The following EML6 variants were observed in gnomAD, a reference collection of about 807,000 sequenced individuals.
The protein encoded by EML6 is echinoderm microtubule-associated protein-like 6.
EML6 carries 154 observed loss-of-function variants against 240.1 expected under a neutral mutation model. The ratio of observed to expected loss-of-function variants is 0.64; its 90% CI spans 0.56 to 0.73. The LOEUF is 0.73. EML6 is among the 30% of genes least tolerant of loss of function. The pLI is 0.00. For missense variants in EML6, 2,964 were observed against 2,474.6 expected (o/e 1.20, Z -4.20); for synonymous variants, 1,148 against 899.0 (o/e 1.28, Z -4.95).
chr2:54,916,812 G>C lies in EML6; in HGVS notation c.3552G>C (p.Glu1184Asp), dbSNP rs1449623893. The C allele has an allele frequency of 2.6e-6, 4 of 1,546,484 alleles. No homozygotes were observed. Among genetic ancestry groups the C allele is most frequent in the Non-Finnish European group, 3.5e-6 (4 of 1,142,966 alleles). ...CCTGTGTCCTGGGGCCCACCTGTGA[G>C]GGAATCTGGCCAGCACATAGCGATA... ...TWTCVLGPTC[E>D]GIWPAHSDIT... The change falls in exon 26 of 42, where the codon GAG (glutamate) becomes GAC (aspartate). Residue 1184 changes from glutamate (E) to aspartate (D), a missense_variant. Physicochemically the swap from Glu to Asp is conservative, Grantham distance 45 (BLOSUM62 2). Coordinates refer to ENST00000356458, the MANE Select transcript of EML6 (RefSeq NM_001039753.4).
intron 17 of EML6, 132 bp from the exon 18 acceptor site, chr2:54,890,922 T>G: frequency 2.2e-6 from 1 of 461,748 alleles, no homozygotes; most frequent in Non-Finnish European, 3.9e-6. Context: ...GATGCCCGTG[T>G]GGATTTTAAA....
intron 28 of EML6, among the ~76,000 whole-genome samples, chr2:54,942,141 C>T (rs1675462695): frequency 1.3e-5 from 2 of 152,170 alleles, no homozygotes; most frequent in South Asian, 4.1e-4. Flanking sequence ...TAATTTTAGG[C>T]ATTAAACCTG....
intron 38 of EML6, among the ~76,000 whole-genome samples, chr2:54,965,346 C>T (rs1404978588): frequency 6.6e-6 from 1 of 152,244 alleles, no homozygotes; most frequent in African/African-American, 2.4e-5. Flanking sequence ...CAACTATTTG[C>T]TGAACCGGGC....
rs182133601 is a variant in EML6 at position 54,903,292 on chromosome 2, C to T, written c.3278-79C>T. 2.6e-6 allele frequency: 4 copies of T among 1,523,428 alleles called. No homozygotes were observed. The African/African-American group carries it at 4.2e-5, about 16-fold the overall frequency. 94.4% of individuals were successfully genotyped at this position (1,523,428 alleles called of 1,614,324 possible). ...TCAAATGTTTCTTTGACCATTTTCCCACTTTTAAAATACTAAGTTCCTGGA... is the reference window on the plus strand; with the variant it reads ...TCAAATGTTTCTTTGACCATTTTCCTACTTTTAAAATACTAAGTTCCTGGA... On this transcript the variant is annotated intron_variant, in intron 23 of 41. Transcript: ENST00000356458.
intron 4 of EML6, 113 bp from the exon 5 acceptor site, chr2:54,820,281 A>T: frequency 1.5e-6 from 1 of 659,738 alleles, no homozygotes; most frequent in Non-Finnish European, 2.7e-6. Flanking sequence ...TATTCTGTGC[A>T]GGTAACATTG....
chr2:54,854,360 G>A (rs1194249669), intron 11 of EML6, among the ~76,000 whole-genome samples: 2 of 152,116 alleles, frequency 1.3e-5, no homozygotes, highest in African/African-American at 2.4e-5. Flanking sequence ...AGAGAAGTTT[G>A]ATTCAAAGCA....
intron 28 of EML6, among the ~76,000 whole-genome samples, chr2:54,948,167 C>T (rs1675784221): frequency 6.6e-6 from 1 of 152,184 alleles, no homozygotes; most frequent in South Asian, 2.1e-4. Context: ...CTCTAGGATT[C>T]CATTAGGGCT....
chr2:54,856,276 G>A (rs1214600778), intron 11 of EML6, among the ~76,000 whole-genome samples: 1 of 152,100 alleles, frequency 6.6e-6, no homozygotes, highest in Non-Finnish European at 1.5e-5. Flanking sequence ...ACACTGAAAC[G>A]AGGTAAAATC....
chr2:54,945,280 C>T (rs1156358802), intron 28 of EML6, among the ~76,000 whole-genome samples: 1 of 111,306 alleles, frequency 9.0e-6, no homozygotes, highest in African/African-American at 3.6e-5. Flanking sequence ...TCCCCTCTCT[C>T]TCTGCCTCCC....
intron 16 of EML6, among the ~76,000 whole-genome samples, chr2:54,877,458 T>G (rs1309054030): frequency 4.0e-5 from 3 of 74,338 alleles, no homozygotes; most frequent in Non-Finnish European, 7.5e-5. Flanking sequence ...ATTAAAAGTC[T>G]TAAAAAAAAG....
intron 24 of EML6, among the ~76,000 whole-genome samples, chr2:54,910,138 TTAA>T (rs1673564020): frequency 1.3e-5 from 2 of 152,170 alleles, no homozygotes; most frequent in African/African-American, 4.8e-5. Context: ...TGGCCATGTG[TTAA>T]TAGCTGTTGA....
chr2:54,860,178 A>G (rs75314082), intron 12 of EML6, among the ~76,000 whole-genome samples: 12,761 of 151,308 alleles, frequency 0.084, 859 homozygotes, highest in East Asian at 0.28. Flanking sequence ...CCACCACCCA[A>G]CCTCTCCCTG....
At chr2:54,945,886 C>A (rs573170045) in intron 28 of EML6, among the ~76,000 whole-genome samples, 149 of 152,342 alleles carry the variant, frequency 9.8e-4, no homozygotes, top group African/African-American at 3.5e-3. Context: ...CAGGAATTGG[C>A]CTTCCCATGA....
chr2:54,836,962 C>A (rs972483873), intron 7 of EML6, among the ~76,000 whole-genome samples: 1 of 152,148 alleles, frequency 6.6e-6, no homozygotes, highest in African/African-American at 2.4e-5. Context: ...GATCCAGGCT[C>A]CCTAGGTGGC....
chr2:54,872,447 C>T (rs1305414383), intron 16 of EML6, among the ~76,000 whole-genome samples: 1 of 152,164 alleles, frequency 6.6e-6, no homozygotes, highest in East Asian at 1.9e-4. Context: ...CCCTTCCTCT[C>T]CCCGTTCAAG....
chr2:54,773,972 T>A (rs1156233079), intron 2 of EML6, among the ~76,000 whole-genome samples: 1 of 152,188 alleles, frequency 6.6e-6, no homozygotes, highest in East Asian at 1.9e-4. Context: ...TCCTTTGCTG[T>A]CCTCAAGAAG....
chr2:54,883,339 ATAT>A (rs1249040692), intron 17 of EML6, among the ~76,000 whole-genome samples: 7 of 151,920 alleles, frequency 4.6e-5, no homozygotes, highest in South Asian at 2.1e-4. Flanking sequence ...GTCTTGTTCT[ATAT>A]TATTCTATAT....
intron 11 of EML6, among the ~76,000 whole-genome samples, chr2:54,854,376 C>A (rs1320518550): frequency 6.6e-6 from 1 of 152,160 alleles, no homozygotes; most frequent in Non-Finnish European, 1.5e-5. Flanking sequence ...AAGCAACCCT[C>A]TTTGCCCTCA....
chr2:54,950,509 A>G, intron 29 of EML6, 141 bp from the exon 30 acceptor site: 1 of 899,124 alleles, frequency 1.1e-6, no homozygotes, highest in African/African-American at 1.7e-5. Flanking sequence ...CAAGAAGCAA[A>G]ATGTTTTCAG....
Sources: allele counts gnomAD v4.1 joint callset (sites outside exome capture counted in the v4.1 genomes callset), GRCh38; gene constraint gnomAD v4.1.1; transcripts MANE v1.5; gene names NCBI Gene and HGNC (gene_info 2026-07-23, HGNC 2026-07-21).